Variants in CPQ observed in about 807,000 individuals in gnomAD.
The protein encoded by CPQ is Ser-Met dipeptidase.
Under a neutral mutation model 45.7 loss-of-function variants are expected in CPQ, and 37 were observed. That is an observed-to-expected ratio of 0.81 (90% CI 0.62 to 1.07). The LOEUF is 1.07. CPQ is among the 50% of genes least tolerant of loss of function. The pLI is 0.00. For synonymous variants in CPQ, 186 were observed against 205.8 expected (o/e 0.90, Z 0.82); for missense variants, 537 against 572.9 (o/e 0.94, Z 0.64).
intron 1 of CPQ, among the ~76,000 whole-genome samples, chr8:96,646,565 A>C (rs1290724386): frequency 6.6e-6 from 1 of 152,236 alleles, no homozygotes; most frequent in Non-Finnish European, 1.5e-5. Flanking sequence ...GTTTGTAAAC[A>C]AATAGGCTTA....
intron 1 of CPQ, among the ~76,000 whole-genome samples, chr8:96,772,393 G>A (rs1027212221): frequency 1.3e-5 from 2 of 152,100 alleles, no homozygotes; most frequent in African/African-American, 4.8e-5. Context: ...TCTGGGAGAA[G>A]ATCAGACTCT....
At chr8:96,787,320 CTA>C in intron 2 of CPQ, among the ~76,000 whole-genome samples, 2 of 152,066 alleles carry the variant, frequency 1.3e-5, no homozygotes, top group South Asian at 4.1e-4. Context: ...GTTGAAAAGA[CTA>C]TTCTTTCTCC....
At chr8:96,864,869 A>G (rs1391814361) in intron 3 of CPQ, among the ~76,000 whole-genome samples, 2 of 151,948 alleles carry the variant, frequency 1.3e-5, no homozygotes, top group Non-Finnish European at 2.9e-5. Flanking sequence ...CCCAGAAAAC[A>G]TTTATTGTAG....
intron 3 of CPQ, among the ~76,000 whole-genome samples, chr8:96,877,024 A>G (rs968205675): frequency 1.2e-4 from 18 of 152,142 alleles, no homozygotes; most frequent in Non-Finnish European, 2.4e-4. Context: ...TTTAAATCTT[A>G]TTTAGATTAG....
chr8:97,120,149 C>T (rs1811676187), intron 7 of CPQ, among the ~76,000 whole-genome samples: 4 of 152,140 alleles, frequency 2.6e-5, no homozygotes, highest in Admixed American at 2.6e-4. Context: ...CAAGAATCCC[C>T]TCAAACCTCT....
At chr8:96,934,972 C>T (rs1292869987) in intron 4 of CPQ, among the ~76,000 whole-genome samples, 1 of 152,158 alleles carries the variant, frequency 6.6e-6, no homozygotes, top group Admixed American at 6.5e-5. Flanking sequence ...TAACCTAGGA[C>T]ATCAATACCT....
At chr8:96,894,823 G>A (rs1346347771) in intron 4 of CPQ, among the ~76,000 whole-genome samples, 1 of 152,144 alleles carries the variant, frequency 6.6e-6, no homozygotes, top group African/African-American at 2.4e-5. Context: ...TAGTTTAAAT[G>A]TAGAGCCAAG....
chr8:96,645,750 A>G (rs1815511459), intron 1 of CPQ, among the ~76,000 whole-genome samples: 1 of 151,296 alleles, frequency 6.6e-6, no homozygotes, highest in Non-Finnish European at 1.5e-5. Context: ...GCTCAGCCCC[A>G]AGCCGCCCCC....
At chr8:97,031,032 G>T (rs946593583) in intron 6 of CPQ, among the ~76,000 whole-genome samples, 1 of 152,044 alleles carries the variant, frequency 6.6e-6, no homozygotes, top group African/African-American at 2.4e-5. Flanking sequence ...GAACAGAGAC[G>T]TAAACAAGAG....
At chr8:96,817,079 G>C (rs940210676) in intron 2 of CPQ, among the ~76,000 whole-genome samples, 2 of 152,086 alleles carry the variant, frequency 1.3e-5, no homozygotes, top group Non-Finnish European at 2.9e-5. Context: ...TTTGAATCCA[G>C]GCATTGACTT....
At chr8:96,912,405 C>T (rs1812676318) in intron 4 of CPQ, among the ~76,000 whole-genome samples, 1 of 151,978 alleles carries the variant, frequency 6.6e-6, no homozygotes, top group African/African-American at 2.4e-5. Flanking sequence ...AATACAACTT[C>T]GTGAGCATAT....
Position 96,738,910 on chromosome 8 carries a change from G to T in CPQ, c.-34-45954G>T, listed in dbSNP as rs1365696897. Among the ~76,000 whole-genome samples the T allele has an allele frequency of 2.0e-5, 3 of 151,720 alleles. No homozygotes were observed. The East Asian group carries it at 5.8e-4, about 29-fold the overall frequency. On this transcript the variant is annotated intron_variant, in intron 1 of 7. Transcript: ENST00000220763. ...AGTCTTTGCTATTGTGAATAATGCC[G>T]CAATAAACATAGGTGTGCATGTGTC... is the stretch of plus-strand genomic sequence containing the variant.
At chr8:96,857,648 A>G (rs1236653521) in intron 3 of CPQ, among the ~76,000 whole-genome samples, 2 of 152,222 alleles carry the variant, frequency 1.3e-5, no homozygotes, top group African/African-American at 4.8e-5. Flanking sequence ...GTTGTCAGGT[A>G]GTCAATAAAT....
intron 4 of CPQ, among the ~76,000 whole-genome samples, chr8:96,892,234 A>G (rs1812386350): frequency 6.6e-6 from 1 of 152,218 alleles, no homozygotes; most frequent in African/African-American, 2.4e-5. Context: ...ACCCTTGTCA[A>G]AAGAATAAAC....
chr8:96,955,053 A>G (rs1813333940), intron 4 of CPQ, among the ~76,000 whole-genome samples: 1 of 152,196 alleles, frequency 6.6e-6, no homozygotes, highest in African/African-American at 2.4e-5. Context: ...TGCCACAATA[A>G]ACATACATCT....
At chr8:96,671,251 A>G (rs1808998277) in intron 1 of CPQ, among the ~76,000 whole-genome samples, 1 of 152,168 alleles carries the variant, frequency 6.6e-6, no homozygotes, top group Non-Finnish European at 1.5e-5. Flanking sequence ...CGTTCTCAGC[A>G]TTATGGTGGC....
At chr8:97,122,832 C>T (rs1264521896) in intron 7 of CPQ, among the ~76,000 whole-genome samples, 1 of 146,874 alleles carries the variant, frequency 6.8e-6, no homozygotes, top group Non-Finnish European at 1.5e-5. Context: ...TTTCAGTGAG[C>T]CAATATCACA....
At chr8:96,824,112 T>G (rs1250710770) in intron 2 of CPQ, among the ~76,000 whole-genome samples, 1 of 152,002 alleles carries the variant, frequency 6.6e-6, no homozygotes, top group Non-Finnish European at 1.5e-5. Context: ...ATCTTGTAGA[T>G]AAAATGTATG....
At chr8:97,058,543 CT>C (rs896978565) in intron 6 of CPQ, among the ~76,000 whole-genome samples, 1 of 152,086 alleles carries the variant, frequency 6.6e-6, no homozygotes, top group African/African-American at 2.4e-5. Flanking sequence ...TAGTTGTTAC[CT>C]TTTGAACCTG....
Sources: allele counts gnomAD v4.1 joint callset (sites outside exome capture counted in the v4.1 genomes callset), GRCh38; gene constraint gnomAD v4.1.1; transcripts MANE v1.5; gene names NCBI Gene and HGNC (gene_info 2026-07-23, HGNC 2026-07-21).